The following SPAG16 variants were observed in gnomAD, a reference collection of about 807,000 sequenced individuals.
The protein encoded by SPAG16 is sperm-associated antigen 16 protein.
A neutral mutation model predicts 80.4 loss-of-function variants in SPAG16; 86 were observed. The observed-to-expected ratio is 1.07, with a 90% confidence interval of 0.90 to 1.28. The LOEUF (loss-of-function observed/expected upper bound fraction) is 1.28. Among genes scored for constraint, SPAG16 ranks in the 50% most tolerant of loss-of-function variants. SPAG16 has a pLI of 0.00. For synonymous variants in SPAG16, 294 were observed against 265.9 expected (o/e 1.11, Z -1.03); for missense variants, 870 against 765.3 (o/e 1.14, Z -1.61).
chr2:213,549,813 G>A (rs544691672), intron 10 of SPAG16, among the ~76,000 whole-genome samples: 2 of 152,220 alleles, frequency 1.3e-5, no homozygotes, highest in East Asian at 3.9e-4. Context: ...CATTTTAATT[G>A]TATGTATATG....
At chr2:214,117,140 A>T (rs569670276) in intron 14 of SPAG16, among the ~76,000 whole-genome samples, 2 of 152,200 alleles carry the variant, frequency 1.3e-5, no homozygotes, top group African/African-American at 4.8e-5. Context: ...GAAATTTATC[A>T]GGGAAATTTT....
intron 10 of SPAG16, among the ~76,000 whole-genome samples, chr2:213,843,204 C>G (rs1207474626): frequency 6.6e-6 from 1 of 151,746 alleles, no homozygotes; most frequent in African/African-American, 2.4e-5. Context: ...AAAGTAAAAT[C>G]TTAACTTCTT....
chr2:213,742,192 TAAATTTTTTCC>T (rs1177021508), intron 10 of SPAG16, among the ~76,000 whole-genome samples: 1 of 152,144 alleles, frequency 6.6e-6, no homozygotes, highest in Admixed American at 6.5e-5. Context: ...CATTTTCAAT[TAAATTTTTTCC>T]CTAAGAATTT....
Position 213,537,625 on chromosome 2 carries a change from G to T in SPAG16, c.1070+47535G>T, listed in dbSNP as rs911625907. Among the ~76,000 whole-genome samples, 13 of 152,030 alleles carry T rather than the reference G, an allele frequency of 8.6e-5. 1 individual carries two copies. Among genetic ancestry groups the T allele is most frequent in the Non-Finnish European group, 1.5e-5 (1 of 67,978 alleles). On this transcript the variant is annotated intron_variant, in intron 10 of 15. Coordinates refer to ENST00000331683, the MANE Select transcript of SPAG16 (RefSeq NM_024532.5). Reference sequence around the variant, plus strand: ...TCTTTCTCCACAGTCAGGTGTTTTTGGTTTTTGATGTCTCTATTTTTGGCA... The same window carrying T: ...TCTTTCTCCACAGTCAGGTGTTTTTTGTTTTTGATGTCTCTATTTTTGGCA...
intron 9 of SPAG16, among the ~76,000 whole-genome samples, chr2:213,412,661 G>A (rs2069042498): frequency 6.6e-6 from 1 of 151,664 alleles, no homozygotes; most frequent in Non-Finnish European, 1.5e-5. Context: ...CTTCTCACTA[G>A]TTTCCTACCC....
chr2:213,747,497 C>T (rs2067880640), intron 10 of SPAG16, among the ~76,000 whole-genome samples: 1 of 152,202 alleles, frequency 6.6e-6, no homozygotes, highest in African/African-American at 2.4e-5. Context: ...GTCCTGTAGG[C>T]ACCATTCATA....
intron 11 of SPAG16, among the ~76,000 whole-genome samples, chr2:213,915,657 C>A (rs182429040): frequency 6.6e-6 from 1 of 152,210 alleles, no homozygotes; most frequent in African/African-American, 2.4e-5. Context: ...AACGGGATTG[C>A]TGAGTCAAAT....
At chr2:213,687,794 T>C (rs897543799) in intron 10 of SPAG16, among the ~76,000 whole-genome samples, 24 of 152,340 alleles carry the variant, frequency 1.6e-4, no homozygotes, top group African/African-American at 5.3e-4. Context: ...GTATATAGTT[T>C]TCCTCAAATT....
At chr2:214,104,320 G>C (rs1361821569) in intron 13 of SPAG16, among the ~76,000 whole-genome samples, 1 of 152,166 alleles carries the variant, frequency 6.6e-6, no homozygotes, top group Non-Finnish European at 1.5e-5. Context: ...TTCTTTTAGT[G>C]CAATGATAAT....
chr2:213,932,167 TATATATATATATATATATATATA>T lies in SPAG16; in HGVS notation c.1400+2023_1400+2045del, dbSNP rs1559602370. ...TACTGCATATATATATATATATATA[TATATATATATATATATATATATA>T]TATATATATTTGTTGTTGTTGTTGT... On this transcript the variant is annotated intron_variant, in intron 12 of 15. Transcript: ENST00000331683. Among the ~76,000 whole-genome samples, 574 of 96,412 alleles carry T rather than the reference TATATATATATATATATATATATA, an allele frequency of 6.0e-3. 6 individuals are homozygous for T. Among genetic ancestry groups the T allele is most frequent in the African/African-American group, 0.018 (440 of 24,270 alleles). The allele number at this position is 96,412 out of a possible 152,430, so 63.3% of individuals were successfully genotyped here. A position where few individuals can be genotyped will look rare whatever the true frequency, so the allele number is the denominator to read the frequency against.
intron 14 of SPAG16, among the ~76,000 whole-genome samples, chr2:214,110,522 A>C (rs906338574): frequency 4.6e-5 from 7 of 152,096 alleles, no homozygotes; most frequent in African/African-American, 1.7e-4. Context: ...ACATTTTCTT[A>C]ATCCAGTCTA....
chr2:214,313,851 C>T (rs1912171), intron 15 of SPAG16, among the ~76,000 whole-genome samples: 145,535 of 152,184 alleles, frequency 0.96, 69,819 homozygotes, highest in Non-Finnish European at 1. Context: ...AATTTTTAAC[C>T]GCTTTTTTTC....
intron 12 of SPAG16, among the ~76,000 whole-genome samples, chr2:213,957,567 T>C (rs567422183): frequency 6.6e-5 from 10 of 152,290 alleles, no homozygotes; most frequent in Admixed American, 2.0e-4. Context: ...TGTCTTTTCA[T>C]TGGAGAGTTT....
At chr2:214,295,439 T>C (rs893134982) in intron 15 of SPAG16, among the ~76,000 whole-genome samples, 4 of 152,126 alleles carry the variant, frequency 2.6e-5, no homozygotes, top group African/African-American at 9.7e-5. Context: ...ATACCAACAA[T>C]TGGTACTCAA....
At chr2:213,857,658 G>A (rs2075234538) in intron 10 of SPAG16, among the ~76,000 whole-genome samples, 2 of 152,188 alleles carry the variant, frequency 1.3e-5, no homozygotes, top group African/African-American at 4.8e-5. Context: ...TTATTTTCAT[G>A]CCTGCTGACA....
chr2:214,212,141 G>T (rs1249453009), intron 15 of SPAG16, among the ~76,000 whole-genome samples: 4 of 151,934 alleles, frequency 2.6e-5, no homozygotes, highest in African/African-American at 9.7e-5. Context: ...TACTCTCTGT[G>T]GCCTGACAAG....
intron 10 of SPAG16, among the ~76,000 whole-genome samples, chr2:213,620,277 T>A (rs1340674953): frequency 6.7e-6 from 1 of 148,408 alleles, no homozygotes; most frequent in Non-Finnish European, 1.5e-5. Flanking sequence ...CAATAATTTA[T>A]TGAGTTTTTT....
At chr2:213,595,064 G>A (rs945583145) in intron 10 of SPAG16, among the ~76,000 whole-genome samples, 12 of 151,374 alleles carry the variant, frequency 7.9e-5, no homozygotes, top group South Asian at 2.1e-4. Flanking sequence ...GAATGTAACC[G>A]TAGCATTCAA....
intron 10 of SPAG16, among the ~76,000 whole-genome samples, chr2:213,524,011 T>C (rs1004076340): frequency 2.6e-5 from 4 of 152,330 alleles, no homozygotes; most frequent in Admixed American, 6.5e-5. Context: ...CTCCAGGGCA[T>C]GTCAGAGACT....
Sources: allele counts gnomAD v4.1 joint callset (sites outside exome capture counted in the v4.1 genomes callset), GRCh38; gene constraint gnomAD v4.1.1; transcripts MANE v1.5; gene names NCBI Gene and HGNC (gene_info 2026-07-23, HGNC 2026-07-21).